ST6GALNAC3: variants seen among roughly 807,000 people sequenced by gnomAD.
ST6GALNAC3 encodes the protein ST6 N-acetylgalactosaminide alpha-2,6-sialyltransferase 3.
Under a neutral mutation model 32.7 loss-of-function variants are expected in ST6GALNAC3, and 25 were observed. That is an observed-to-expected ratio of 0.76 (90% CI 0.56 to 1.07). The LOEUF (loss-of-function observed/expected upper bound fraction) is 1.07. Among genes scored for constraint, ST6GALNAC3 ranks in the 50% least tolerant of loss-of-function variants. The probability of loss-of-function intolerance (pLI) is 0.00; values close to 1 mark genes in which losing one functional copy is unlikely to be tolerated. For missense variants in ST6GALNAC3, 355 were observed against 382.4 expected, an observed-to-expected ratio of 0.93 and a Z score of 0.60; for synonymous variants, 129 against 133.1, an observed-to-expected ratio of 0.97 and a Z score of 0.21.
At chr1:76,217,510 C>CTTA (rs1319672980) in intron 1 of ST6GALNAC3, among the ~76,000 whole-genome samples, 1 of 151,732 alleles carries the variant, frequency 6.6e-6, no homozygotes, top group African/African-American at 2.4e-5. Context: ...GCAAACACAA[C>CTTA]TTCTTCTTAT....
At chr1:76,321,098 G>A (rs1023229891) in intron 2 of ST6GALNAC3, among the ~76,000 whole-genome samples, 3 of 151,984 alleles carry the variant, frequency 2.0e-5, no homozygotes, top group Non-Finnish European at 4.4e-5. Flanking sequence ...ACAAGGGTGA[G>A]CAGAAAAGTC....
At chr1:76,601,908 A>G (rs935938210) in intron 3 of ST6GALNAC3, among the ~76,000 whole-genome samples, 2 of 152,186 alleles carry the variant, frequency 1.3e-5, no homozygotes, top group Non-Finnish European at 2.9e-5. Context: ...AGACAGAGCA[A>G]AATCCAATAC....
intron 1 of ST6GALNAC3, among the ~76,000 whole-genome samples, chr1:76,302,100 A>G (rs1342021786): frequency 2.6e-5 from 4 of 152,034 alleles, no homozygotes; most frequent in East Asian, 1.9e-4. Flanking sequence ...TGATACCACC[A>G]TATTTCATTG....
chr1:76,523,031 C>A (rs1662647265), intron 3 of ST6GALNAC3, among the ~76,000 whole-genome samples: 1 of 152,158 alleles, frequency 6.6e-6, no homozygotes, highest in Admixed American at 6.5e-5. Flanking sequence ...CTAGGTCCAT[C>A]CCCATGTGTT....
intron 2 of ST6GALNAC3, among the ~76,000 whole-genome samples, chr1:76,373,207 C>T (rs749292267): frequency 6.6e-6 from 1 of 152,136 alleles, no homozygotes; most frequent in African/African-American, 2.4e-5. Context: ...GTTTAAAGAG[C>T]TCAGGTTGGT....
chr1:76,397,947 AT>A (rs140779175), intron 2 of ST6GALNAC3, among the ~76,000 whole-genome samples: 9,467 of 151,606 alleles, frequency 0.062, 959 homozygotes, highest in African/African-American at 0.21. Flanking sequence ...GTAAATAATG[AT>A]TTTTTTTCTT....
chr1:76,126,502 C>T (rs1262175320), intron 1 of ST6GALNAC3, among the ~76,000 whole-genome samples: 1 of 146,678 alleles, frequency 6.8e-6, no homozygotes, highest in African/African-American at 2.5e-5. Flanking sequence ...ACCTTGTAGA[C>T]ATAAGTGAAT....
intron 2 of ST6GALNAC3, among the ~76,000 whole-genome samples, chr1:76,347,066 T>G (rs1387283424): frequency 7.0e-6 from 1 of 142,440 alleles, no homozygotes; most frequent in East Asian, 2.0e-4. Context: ...CATTGTCTAA[T>G]GAGCCGTCCT....
intron 3 of ST6GALNAC3, among the ~76,000 whole-genome samples, chr1:76,543,513 A>C (rs1664117633): frequency 6.6e-6 from 1 of 152,236 alleles, no homozygotes; most frequent in Non-Finnish European, 1.5e-5. Context: ...ATGCAGATAA[A>C]TTATTCCAAA....
intron 2 of ST6GALNAC3, among the ~76,000 whole-genome samples, chr1:76,355,610 C>G (rs1162378808): frequency 6.6e-6 from 1 of 152,182 alleles, no homozygotes; most frequent in African/African-American, 2.4e-5. Context: ...AAAATAACTT[C>G]CACCATAGCC....
At chr1:76,299,225 G>C (rs553743642) in intron 1 of ST6GALNAC3, among the ~76,000 whole-genome samples, 1 of 151,930 alleles carries the variant, frequency 6.6e-6, no homozygotes, top group Non-Finnish European at 1.5e-5. Context: ...GTGTGGAGGC[G>C]GCCTTTCTCT....
chr1:76,365,578 A>G (rs1418962708), intron 2 of ST6GALNAC3, among the ~76,000 whole-genome samples: 1 of 152,206 alleles, frequency 6.6e-6, no homozygotes, highest in African/African-American at 2.4e-5. Flanking sequence ...GTGTTGTTTT[A>G]AATAATTCCG....
chr1:76,141,808 A>G (rs1048354037), intron 1 of ST6GALNAC3, among the ~76,000 whole-genome samples: 6 of 152,318 alleles, frequency 3.9e-5, no homozygotes, highest in African/African-American at 1.4e-4. Flanking sequence ...GACAACCATT[A>G]TGTAAGGATA....
chr1:76,171,863 AC>A (rs1652532317), intron 1 of ST6GALNAC3, among the ~76,000 whole-genome samples: 1 of 73,370 alleles, frequency 1.4e-5, no homozygotes, highest in Admixed American at 1.9e-4. Flanking sequence ...ACAAAACAGG[AC>A]CAGACAGATT....
At chr1:76,560,760 T>G (rs182928931) in intron 3 of ST6GALNAC3, among the ~76,000 whole-genome samples, 1 of 152,292 alleles carries the variant, frequency 6.6e-6, no homozygotes, top group Non-Finnish European at 1.5e-5. Context: ...ACAATCACTG[T>G]GGAGAACAGT....
chr1:76,336,522 C>A lies in ST6GALNAC3; in HGVS notation c.213+22523C>A, dbSNP rs558838041. On this transcript the variant is annotated intron_variant, in intron 2 of 4. Transcript: ENST00000328299. Reference sequence around the variant, plus strand: ...CACATTGGGCACTTCACAACACAGTCATATTCTTATTCAATCTTCATTAGA... The same window carrying A: ...CACATTGGGCACTTCACAACACAGTAATATTCTTATTCAATCTTCATTAGA... Among the ~76,000 whole-genome samples, 347 of 152,316 alleles carry A rather than the reference C, an allele frequency of 2.3e-3. 1 individual carries two copies. Among genetic ancestry groups the A allele is most frequent in the African/African-American group, 8.1e-3 (338 of 41,566 alleles).
intron 3 of ST6GALNAC3, among the ~76,000 whole-genome samples, chr1:76,594,334 A>G (rs925744717): frequency 6.6e-6 from 1 of 152,172 alleles, no homozygotes; most frequent in Non-Finnish European, 1.5e-5. Context: ...AACAGAAAAG[A>G]AGAATACACC....
intron 2 of ST6GALNAC3, among the ~76,000 whole-genome samples, chr1:76,402,846 T>C (rs140444242): frequency 2.0e-5 from 3 of 152,222 alleles, no homozygotes; most frequent in African/African-American, 7.2e-5. Context: ...TCATTGTTCC[T>C]GTTTCCAAGA....
chr1:76,222,674 AAAAC>A (rs71588868), intron 1 of ST6GALNAC3, among the ~76,000 whole-genome samples: 68,791 of 151,544 alleles, frequency 0.45, 18,159 homozygotes, highest in East Asian at 0.82. Flanking sequence ...TAAAAAAACA[AAAAC>A]AAACAAACAA....
Sources: allele counts gnomAD v4.1 joint callset (sites outside exome capture counted in the v4.1 genomes callset), GRCh38; gene constraint gnomAD v4.1.1; transcripts MANE v1.5; gene names NCBI Gene and HGNC (gene_info 2026-07-23, HGNC 2026-07-21).